BMPR1A: variants seen among roughly 807,000 people sequenced by gnomAD.
The protein encoded by BMPR1A is bone morphogenetic protein receptor type-1A.
BMPR1A carries 7 observed loss-of-function variants against 66.0 expected under a neutral mutation model. The ratio of observed to expected loss-of-function variants is 0.11; its 90% CI spans 0.06 to 0.20. BMPR1A has a LOEUF of 0.20. Among genes scored for constraint, BMPR1A ranks in the 10% least tolerant of loss-of-function variants. BMPR1A has a pLI of 1.00. For missense variants in BMPR1A, 408 were observed against 669.1 expected, an observed-to-expected ratio of 0.61 and a Z score of 4.31; for synonymous variants, 200 against 229.7, an observed-to-expected ratio of 0.87 and a Z score of 1.17.
rs74153426 is a variant in BMPR1A at position 86,909,876 on chromosome 10, T to C, written c.531-2364T>C. Among the ~76,000 whole-genome samples, 657 of 151,680 alleles carry C rather than the reference T, an allele frequency of 4.3e-3. 7 individuals are homozygous for C. The highest frequency in any genetic ancestry group is 0.015 in the African/African-American group (626 of 41,378). On this transcript the variant is annotated intron_variant, in intron 7 of 12. Transcript: ENST00000372037. Reference sequence around the variant, plus strand: ...GGTAGGGATAAAGGTGTAGGGAAAATAGGCATTCTCATATGTTGGTGGAGG... The same window carrying C: ...GGTAGGGATAAAGGTGTAGGGAAAACAGGCATTCTCATATGTTGGTGGAGG...
chr10:86,900,241 T>C, intron 7 of BMPR1A, 115 bp downstream of exon 7: 1 of 963,554 alleles, frequency 1.0e-6, no homozygotes, highest in Non-Finnish European at 1.6e-6. Context: ...GTATATCTCC[T>C]TTATGTAACT....
chr10:86,762,535 T>A (rs967465884), intron 1 of BMPR1A, among the ~76,000 whole-genome samples: 1 of 152,160 alleles, frequency 6.6e-6, no homozygotes, highest in Non-Finnish European at 1.5e-5. Flanking sequence ...CCTTTTTGTA[T>A]TTTTAGTAGA....
chr10:86,804,792 GTTTTTTTTTTT>G (rs5786747), intron 1 of BMPR1A, among the ~76,000 whole-genome samples: 1 of 57,268 alleles, frequency 1.7e-5, no homozygotes, highest in African/African-American at 8.2e-5. Flanking sequence ...GTTTGTAGGT[GTTTTTTTTTTT>G]TTTTTTTTTT....
chr10:86,798,840 C>G (rs1841764498), intron 1 of BMPR1A, among the ~76,000 whole-genome samples: 1 of 152,228 alleles, frequency 6.6e-6, no homozygotes, highest in African/African-American at 2.4e-5. Context: ...AAACTGTAAG[C>G]TCATGTGAGT....
At chr10:86,834,749 T>C (rs949558743) in intron 1 of BMPR1A, among the ~76,000 whole-genome samples, 4 of 152,186 alleles carry the variant, frequency 2.6e-5, no homozygotes, top group Non-Finnish European at 4.4e-5. Context: ...CCACATTATG[T>C]TTTTCTGGAG....
At position 86,926,161 on chromosome 10, in the gene BMPR1A, T is replaced by G. The variant is rs1176066752; in HGVS notation, c.*2442T>G. ...TCAAGAGTTAATCTTAGAAACTTGCTCAGTAAAAACATTTTCTAGTATAAC... is the reference window on the plus strand; with the variant it reads ...TCAAGAGTTAATCTTAGAAACTTGCGCAGTAAAAACATTTTCTAGTATAAC... On this transcript the variant is annotated 3_prime_UTR_variant, in exon 13 of 13. Transcript: ENST00000372037. 6.0e-6 allele frequency: 1 copy of G among 166,912 alleles called. No individual in the cohort carries two copies. The highest frequency in any genetic ancestry group is 1.3e-5 in the Non-Finnish European group (1 of 76,586). 10.3% of individuals were successfully genotyped at this position (166,912 alleles called of 1,614,324 possible).
chr10:86,760,248 C>CTTTTTTTTTTTTTTTTTTTTT (rs60211336), intron 1 of BMPR1A, among the ~76,000 whole-genome samples: 6 of 17,010 alleles, frequency 3.5e-4, no homozygotes, highest in Non-Finnish European at 4.4e-4. Context: ...TTCTTTCTTT[C>CTTTTTTTTTTTTTTTTTTTTT]TTTTTTTTTT....
intron 2 of BMPR1A, chr10:86,855,754 G>C: frequency 9.9e-7 from 1 of 1,008,478 alleles, no homozygotes; most frequent in Non-Finnish European, 1.5e-6. Context: ...TTTTCATTAT[G>C]CTTTTTTGGT....
intron 1 of BMPR1A, among the ~76,000 whole-genome samples, chr10:86,835,303 C>G (rs145905713): frequency 6.8e-6 from 1 of 148,126 alleles, no homozygotes; most frequent in African/African-American, 2.5e-5. Flanking sequence ...TGGTGGCTCA[C>G]GCCTGTAATC....
chr10:86,898,889 A>C (rs1843267355), intron 5 of BMPR1A, among the ~76,000 whole-genome samples: 1 of 152,232 alleles, frequency 6.6e-6, no homozygotes, highest in Admixed American at 6.5e-5. Flanking sequence ...ATTTAAAAGT[A>C]AAAATTGTTT....
intron 1 of BMPR1A, among the ~76,000 whole-genome samples, chr10:86,780,441 T>C (rs1841419696): frequency 6.6e-6 from 1 of 152,160 alleles, no homozygotes; most frequent in South Asian, 2.1e-4. Context: ...TCATTTCAAA[T>C]CTTTTTTTTT....
chr10:86,781,857 CTT>C (rs1162095658), intron 1 of BMPR1A, among the ~76,000 whole-genome samples: 21 of 84,232 alleles, frequency 2.5e-4, no homozygotes, highest in East Asian at 6.9e-4. Flanking sequence ...GACAGGATTT[CTT>C]TTTTTTTTTT....
rs1383345723 is a variant in BMPR1A at position 86,921,571 on chromosome 10, C to A, written c.1218C>A (p.Arg406=). 6.2e-7 allele frequency: 1 copy of A among 1,614,162 alleles called. No individual in the cohort carries two copies. Among genetic ancestry groups the A allele is most frequent in the Admixed American group, 1.7e-5 (1 of 60,014 alleles). Residue 406 remains arginine (R), a synonymous_variant, in exon 11 of 13, where the codon CGC becomes CGA. Transcript: ENST00000372037. The stretch of plus-strand genomic sequence containing the variant: ...TGAATACCAGGGTGGGCACCAAACG[C>A]TACATGGCTCCCGAAGTGCTGGACG... ...VPLNTRVGTK[R]YMAPEVLDES... is the part of the protein sequence containing the mutation.
At chr10:86,901,701 G>A (rs1002780054) in intron 7 of BMPR1A, among the ~76,000 whole-genome samples, 4 of 151,990 alleles carry the variant, frequency 2.6e-5, no homozygotes, top group African/African-American at 4.8e-5. Context: ...ATGCTCAATC[G>A]GTTATTTTAA....
In BMPR1A at chr10:86,881,032, T is replaced by TA. The variant is rs939287367; in HGVS notation, c.67+4957dup. On this transcript the variant is annotated intron_variant, in intron 3 of 12. Transcript: ENST00000372037. ...TCCACGGCTAAACTGAGAGTCCCTT[T>TA]AAAAAAAAAATAGTTTGAGACCAGC... Among the ~76,000 whole-genome samples the TA allele has an allele frequency of 5.2e-4, 78 of 149,056 alleles. 1 individual carries two copies. Among genetic ancestry groups the TA allele is most frequent in the Admixed American group, 2.5e-3 (37 of 14,928 alleles).
At chr10:86,763,646 G>A (rs957050683) in intron 1 of BMPR1A, among the ~76,000 whole-genome samples, 4 of 152,042 alleles carry the variant, frequency 2.6e-5, no homozygotes, top group African/African-American at 4.8e-5. Flanking sequence ...TTATGCCTGC[G>A]GTGCCCTTCC....
At chr10:86,843,024 G>T (rs781423641) in intron 2 of BMPR1A, among the ~76,000 whole-genome samples, 3 of 152,104 alleles carry the variant, frequency 2.0e-5, no homozygotes, top group Non-Finnish European at 4.4e-5. Flanking sequence ...TGGTAGTTTG[G>T]AAAAAGGAAA....
intron 1 of BMPR1A, among the ~76,000 whole-genome samples, chr10:86,797,068 C>CTTTTTTTTTTTTTTTTTTTTTTTTTTTTT (rs780930060): frequency 1.1e-4 from 12 of 105,028 alleles, no homozygotes; most frequent in Admixed American, 2.1e-4. Flanking sequence ...CTTTTCTTTT[C>CTTTTTTTTTTTTTTTTTTTTTTTTTTTTT]TTTTTTTTTT....
intron 1 of BMPR1A, among the ~76,000 whole-genome samples, chr10:86,815,605 G>A (rs1228900736): frequency 6.6e-6 from 1 of 152,198 alleles, no homozygotes; most frequent in African/African-American, 2.4e-5. Context: ...AGATTTGCAG[G>A]CACTGGTTTT....
Sources: allele counts gnomAD v4.1 joint callset (sites outside exome capture counted in the v4.1 genomes callset), GRCh38; gene constraint gnomAD v4.1.1; transcripts MANE v1.5; gene names NCBI Gene and HGNC (gene_info 2026-07-23, HGNC 2026-07-21).